Variants in SFPQ observed in about 807,000 individuals in gnomAD.
The protein encoded by SFPQ is splicing factor proline and glutamine rich, also known as splicing factor, proline- and glutamine-rich.
A neutral mutation model predicts 72.9 loss-of-function variants in SFPQ; 11 were observed. The ratio of observed to expected loss-of-function variants is 0.15; its 90% confidence interval spans 0.09 to 0.25. SFPQ has a LOEUF of 0.25. SFPQ is among the 10% of genes least tolerant of loss of function. The pLI, the probability that SFPQ is intolerant of heterozygous loss-of-function variation, is 1.00. For missense variants in SFPQ, 847 were observed against 993.3 expected (o/e 0.85, Z 1.98); for synonymous variants, 506 against 367.3 (o/e 1.38, Z -4.32).
At chr1:35,184,733 AG>A in intron 9 of SFPQ, 140 bp from the exon 10 acceptor site, 2 of 1,227,442 alleles carry the variant, frequency 1.6e-6, no homozygotes, top group Non-Finnish European at 2.1e-6. Flanking sequence ...GAACATAGAA[AG>A]GAAAAAAGGG....
intron 9 of SFPQ, 138 bp downstream of exon 9, chr1:35,186,863 T>C: frequency 3.8e-6 from 3 of 779,570 alleles, no homozygotes; most frequent in Non-Finnish European, 6.1e-6. Context: ...CAATATTACA[T>C]ATTTATGTAT....
chr1:35,187,963 G>C lies in SFPQ; in HGVS notation c.1815+10C>G. The C allele has an allele frequency of 6.3e-7, 1 of 1,578,552 alleles. No homozygotes were observed. Among genetic ancestry groups the C allele is most frequent in the Non-Finnish European group, 8.7e-7 (1 of 1,147,738 alleles). On this transcript the variant is annotated intron_variant, in intron 7 of 9. Coordinates refer to ENST00000357214, the MANE Select transcript of SFPQ (RefSeq NM_005066.3). ...CAACTCCAATTGGAAGGCAGTAAAG[G>C]CTGACTTACTGGATCCATGTAGCCC...
At chr1:35,187,746 CAAACAAAAAAACAAAACA>C (rs1255920709) in intron 7 of SFPQ, among the ~76,000 whole-genome samples, 9 of 151,020 alleles carry the variant, frequency 6.0e-5, no homozygotes, top group South Asian at 2.1e-4. Context: ...AAAAACCAAA[CAAACAAAAAAACAAAACA>C]AAACAAAAAA....
At chr1:35,186,387 T>C (rs954588685) in intron 9 of SFPQ, among the ~76,000 whole-genome samples, 8 of 152,134 alleles carry the variant, frequency 5.3e-5, no homozygotes, top group Non-Finnish European at 1.0e-4. Context: ...ACACCATTAG[T>C]ATGCTTAAAA....
intron 4 of SFPQ, among the ~76,000 whole-genome samples, chr1:35,189,703 C>CT (rs1353612208): frequency 6.6e-6 from 1 of 152,156 alleles, no homozygotes; most frequent in Non-Finnish European, 1.5e-5. Flanking sequence ...AATCCCTGCA[C>CT]TTTGAGAGGC....
At chr1:35,180,504 C>A, downstream of SFPQ, 1 of 1,050,750 alleles carries the variant, frequency 9.5e-7, no homozygotes, top group Non-Finnish European at 1.1e-6. Context: ...CCACCTTCCC[C>A]CAGGTTTAGA....
At chr1:35,177,592 C>A (rs1202149909) in intron 4 of SFPQ, 1 of 152,566 alleles carries the variant, frequency 6.6e-6, no homozygotes, top group East Asian at 1.9e-4. Context: ...ACTTCTGCCT[C>A]CCAAAGTGCT....
rs1204711253 is a variant in SFPQ, at chr1:35,189,179, T to C, written c.1612+7A>G. Reference sequence around the variant, plus strand: ...TAGCAATGATGTTCACGCACAGGTCTTTTTACCTTGGCGCAAAAGATTTGC... The same window carrying C: ...TAGCAATGATGTTCACGCACAGGTCCTTTTACCTTGGCGCAAAAGATTTGC... On this transcript the variant is annotated splice_region_variant and intron_variant, in intron 5 of 9. Coordinates refer to ENST00000357214, the MANE Select transcript of SFPQ (RefSeq NM_005066.3). The C allele has an allele frequency of 1.2e-6, 2 of 1,613,656 alleles. No homozygotes were observed. The highest frequency in any genetic ancestry group is 1.1e-5 in the South Asian group (1 of 91,048).
At chr1:35,185,218 A>G (rs1639648186) in intron 9 of SFPQ, among the ~76,000 whole-genome samples, 1 of 152,240 alleles carries the variant, frequency 6.6e-6, no homozygotes, top group Non-Finnish European at 1.5e-5. Context: ...TAACTTGATC[A>G]AAAAAACTTA....
intron 6 of SFPQ, among the ~76,000 whole-genome samples, 172 bp downstream of exon 6, chr1:35,188,831 C>A (rs979131799): frequency 6.6e-6 from 1 of 152,144 alleles, no homozygotes; most frequent in Non-Finnish European, 1.5e-5. Context: ...TGTCGTGGCG[C>A]ATGCCTGTAA....
downstream of SFPQ, chr1:35,180,431 A>G: frequency 1.9e-6 from 2 of 1,048,272 alleles, no homozygotes; most frequent in Non-Finnish European, 2.3e-6. Flanking sequence ...AGAAACGACG[A>G]TGTCTTATGA....
At chr1:35,182,785 G>A (rs1639523715), downstream of SFPQ, 2 of 1,052,782 alleles carry the variant, frequency 1.9e-6, no homozygotes, top group African/African-American at 1.7e-5. Flanking sequence ...CCTACTGTTA[G>A]GAAGCTGTTC....
At chr1:35,177,609 A>G (rs1046794628) in intron 4 of SFPQ, 5 of 153,288 alleles carry the variant, frequency 3.3e-5, no homozygotes, top group African/African-American at 4.8e-5. Context: ...TGCTAGGAAT[A>G]TAGGTGTAAA....
Position 35,189,176 on chromosome 1 carries a change from G to T in SFPQ, c.1612+10C>A, listed in dbSNP as rs2088482. The T allele has an allele frequency of 1.2e-6, 2 of 1,613,072 alleles. No homozygotes were observed. Among genetic ancestry groups the T allele is most frequent in the South Asian group, 2.2e-5 (2 of 91,050 alleles). The stretch of plus-strand genomic sequence containing the variant: ...CCTTAGCAATGATGTTCACGCACAG[G>T]TCTTTTTACCTTGGCGCAAAAGATT... On this transcript the variant is annotated intron_variant, in intron 5 of 9. Transcript: ENST00000357214.
At chr1:35,182,332 CAATT>C, downstream of SFPQ, 1 of 985,294 alleles carries the variant, frequency 1.0e-6, no homozygotes, top group African/African-American at 1.7e-5. Flanking sequence ...TATGTATCAC[CAATT>C]AATAACCTGT....
intron 9 of SFPQ, among the ~76,000 whole-genome samples, chr1:35,185,022 A>C (rs1416428856): frequency 6.6e-6 from 1 of 152,380 alleles, no homozygotes; most frequent in South Asian, 2.1e-4. Context: ...TCACTCAATG[A>C]AGTGACAAAG....
intron 1 of SFPQ, 49 bp downstream of exon 1, chr1:35,192,173 G>C (rs761695906): frequency 7.6e-7 from 1 of 1,310,684 alleles, no homozygotes; most frequent in South Asian, 2.0e-5. Flanking sequence ...CGAGGAGGGG[G>C]CCGCCGCCAT....
intron 7 of SFPQ, among the ~76,000 whole-genome samples, 173 bp downstream of exon 7, chr1:35,187,777 CAAGAAACAAAACACAAAAAAACT>C (rs1639794946): frequency 6.6e-6 from 1 of 151,230 alleles, no homozygotes; most frequent in Admixed American, 6.6e-5. Context: ...ACAAAAAAAC[CAAGAAACAAAACACAAAAAAACT>C]TCCTATTCAA....
At position 35,183,690 on chromosome 1, in the gene SFPQ, T is replaced by C. The variant is rs1639577499; in HGVS notation, c.*766A>G. On this transcript the variant is annotated 3_prime_UTR_variant, in exon 10 of 10. Coordinates refer to ENST00000357214, the MANE Select transcript of SFPQ (RefSeq NM_005066.3). ...TTGTTGGTCTTTTAAAAACAAGAAA[T>C]GGGGAAATGCAACAAAATGACCTTT... 1 of 1,042,256 alleles carries C rather than the reference T, an allele frequency of 9.6e-7. No individual in the cohort carries two copies. The highest frequency in any genetic ancestry group is 1.2e-6 in the Non-Finnish European group (1 of 864,566). 64.6% of individuals were successfully genotyped at this position (1,042,256 alleles called of 1,614,324 possible).
Sources: gnomAD v4.1 joint callset for allele counts (sites outside exome capture counted in the v4.1 genomes callset) on GRCh38, gnomAD v4.1.1 for gene constraint, MANE v1.5 for transcripts, NCBI Gene and HGNC (gene_info 2026-07-23, HGNC 2026-07-21) for gene names.